The following AKAP12 variants were observed in gnomAD, a reference collection of about 807,000 sequenced individuals.
The protein encoded by AKAP12 is A-kinase anchoring protein 12.
Under a neutral mutation model 79.9 loss-of-function variants are expected in AKAP12, and 32 were observed. The observed-to-expected ratio is 0.40, with a 90% confidence interval of 0.30 to 0.54. The LOEUF is 0.54. Ranked by LOEUF, AKAP12 falls within the 20% of genes least tolerant of loss-of-function variation. The probability of loss-of-function intolerance (pLI) is 0.48; values close to 1 mark genes in which losing one functional copy is unlikely to be tolerated. For synonymous variants in AKAP12, 808 were observed against 857.0 expected (o/e 0.94, Z 1.00); for missense variants, 2,074 against 2,177.0 (o/e 0.95, Z 0.94).
intron 3 of AKAP12, chr6:151,323,684 C>T: frequency 1.0e-6 from 1 of 984,262 alleles, no homozygotes; most frequent in Non-Finnish European, 1.2e-6. Flanking sequence ...AAATGTGTAA[C>T]TAGTGACATT....
chr6:151,336,955 C>T (rs1210740072), intron 3 of AKAP12, among the ~76,000 whole-genome samples: 3 of 152,120 alleles, frequency 2.0e-5, no homozygotes, highest in Middle Eastern at 3.2e-3. Flanking sequence ...AGTCTGTCCC[C>T]AGAACTTCTG....
intron 2 of AKAP12, among the ~76,000 whole-genome samples, chr6:151,257,929 T>C (rs1797332942): frequency 6.6e-6 from 1 of 152,252 alleles, no homozygotes; most frequent in Non-Finnish European, 1.5e-5. Context: ...TGGATTTCAT[T>C]GTTCAAATAA....
intron 3 of AKAP12, among the ~76,000 whole-genome samples, chr6:151,332,777 G>A (rs1777708699): frequency 1.3e-5 from 2 of 152,136 alleles, no homozygotes; most frequent in South Asian, 4.1e-4. Flanking sequence ...AGGCTTCTAC[G>A]GGGGACACAC....
intron 2 of AKAP12, among the ~76,000 whole-genome samples, chr6:151,289,546 T>C (rs1015672520): frequency 1.3e-5 from 2 of 152,202 alleles, no homozygotes; most frequent in Non-Finnish European, 2.9e-5. Context: ...TCGTACATAG[T>C]CACTTCTTAA....
chr6:151,323,821 G>A (rs1032672927), intron 3 of AKAP12: 4 of 985,308 alleles, frequency 4.1e-6, no homozygotes, highest in Admixed American at 6.2e-5. Flanking sequence ...GGGCAGACTC[G>A]ATTTCAGAAG....
Position 151,350,631 on chromosome 6 carries a change from C to G in AKAP12, c.2240C>G (p.Ala747Gly). The change falls in exon 4 of 5, where the codon GCT becomes GGT. Residue 747 changes from alanine to glycine, a missense_variant. Ala to Gly is a moderately conservative substitution (Grantham distance 60). Coordinates refer to ENST00000402676, the MANE Select transcript of AKAP12 (RefSeq NM_005100.4). This position sits in a 1 kb window ranked among gnomAD's most constrained non-coding sequence, Gnocchi z 4.8. ...PGQGSSSPEQ[A>G]GSPTEGEGVS... is the part of the protein sequence containing the mutation. The stretch of plus-strand genomic sequence containing the variant: ...CAGGGAAGTTCCTCCCCGGAGCAAG[C>G]TGGAAGCCCTACCGAAGGGGAGGGC... 6.2e-7 allele frequency: 1 copy of G among 1,614,088 alleles called. No individual in the cohort carries two copies. The highest frequency in any genetic ancestry group is 8.5e-7 in the Non-Finnish European group (1 of 1,180,032).
At chr6:151,276,219 A>T (rs1225760690) in intron 2 of AKAP12, among the ~76,000 whole-genome samples, 1 of 143,108 alleles carries the variant, frequency 7.0e-6, no homozygotes, top group Non-Finnish European at 1.5e-5. Context: ...AACACCCTTT[A>T]AAAAAAAATC....
intron 3 of AKAP12, among the ~76,000 whole-genome samples, chr6:151,340,555 G>A (rs926895092): frequency 6.6e-6 from 1 of 152,224 alleles, no homozygotes; most frequent in African/African-American, 2.4e-5. Context: ...GGAGGGAGCA[G>A]GTGAGCTCCA....
chr6:151,343,762 T>C (rs1362443755), intron 3 of AKAP12, among the ~76,000 whole-genome samples: 2 of 151,830 alleles, frequency 1.3e-5, no homozygotes, highest in African/African-American at 4.8e-5. Flanking sequence ...CCAGCGTGGG[T>C]GACAGAGCGA....
chr6:151,270,645 A>G (rs1189367102), intron 2 of AKAP12, among the ~76,000 whole-genome samples: 1 of 152,190 alleles, frequency 6.6e-6, no homozygotes, highest in Non-Finnish European at 1.5e-5. Flanking sequence ...AATTCTAACC[A>G]GCAGTGTTTG....
At chr6:151,329,434 C>G (rs1011937551) in intron 3 of AKAP12, among the ~76,000 whole-genome samples, 1 of 152,208 alleles carries the variant, frequency 6.6e-6, no homozygotes, top group African/African-American at 2.4e-5. Flanking sequence ...AAGCAAGTAT[C>G]TTTTCGCTTT....
intron 2 of AKAP12, among the ~76,000 whole-genome samples, chr6:151,304,483 C>T (rs1243532369): frequency 3.0e-5 from 1 of 33,028 alleles, no homozygotes; most frequent in African/African-American, 8.6e-5. Flanking sequence ...AGTGACACTC[C>T]ATCTCAAAAA....
chr6:151,356,395 T>C lies in AKAP12; in HGVS notation c.*681T>C, dbSNP rs972717923. 1.4e-4 allele frequency: 21 copies of C among 152,388 alleles called. No individual in the cohort carries two copies. Among genetic ancestry groups the C allele is most frequent in the African/African-American group, 3.1e-4 (13 of 41,468 alleles). The allele number at this position is 152,388 out of a possible 1,614,324, so 9.4% of individuals were successfully genotyped here. A position where few individuals can be genotyped will look rare whatever the true frequency, so the allele number is the denominator to read the frequency against. ...AAACATACAGAATGTTCTATTGTCA[T>C]TGGGAAATTTTTCTTTCTAACCCAG... On this transcript the variant is annotated 3_prime_UTR_variant, in exon 5 of 5. Coordinates refer to ENST00000402676, the MANE Select transcript of AKAP12 (RefSeq NM_005100.4).
At chr6:151,287,656 C>T (rs890272575) in intron 2 of AKAP12, among the ~76,000 whole-genome samples, 17 of 152,146 alleles carry the variant, frequency 1.1e-4, no homozygotes, top group African/African-American at 2.4e-4. Flanking sequence ...GACAGTGTGG[C>T]GATTCCTCAA....
At chr6:151,348,489 C>G in intron 3 of AKAP12, 1 of 605,688 alleles carries the variant, frequency 1.7e-6, no homozygotes. Flanking sequence ...AAATAAAAAA[C>G]TTAGCTGGAC....
chr6:151,341,735 G>T (rs1777955099), intron 3 of AKAP12: 1 of 1,276,406 alleles, frequency 7.8e-7, no homozygotes, highest in Non-Finnish European at 1.0e-6. Context: ...AGCGATGGCG[G>T]ACACGGAATC....
chr6:151,317,664 A>G (rs901730550), intron 3 of AKAP12, among the ~76,000 whole-genome samples: 1 of 152,254 alleles, frequency 6.6e-6, no homozygotes, highest in Non-Finnish European at 1.5e-5. Flanking sequence ...TGAGTCATTG[A>G]TACTGAAGTA....
In AKAP12 at chr6:151,316,025, A is replaced by G. The variant is rs577185855; in HGVS notation, c.319+10122A>G. 1.6e-3 allele frequency among the ~76,000 whole-genome samples: 248 copies of G among 152,354 alleles called. 1 individual carries two copies. Among genetic ancestry groups the G allele is most frequent in the Non-Finnish European group, 3.1e-3 (209 of 68,040 alleles). On this transcript the variant is annotated intron_variant, in intron 3 of 4. Coordinates refer to ENST00000402676, the MANE Select transcript of AKAP12 (RefSeq NM_005100.4). ...ATTAAACATGGGGATTATGGGAACTACAAGTCAAGATGAGATTTGGGTGGG... is the reference window on the plus strand; with the variant it reads ...ATTAAACATGGGGATTATGGGAACTGCAAGTCAAGATGAGATTTGGGTGGG...
chr6:151,310,632 G>A (rs531097772), intron 3 of AKAP12, among the ~76,000 whole-genome samples: 1 of 152,226 alleles, frequency 6.6e-6, no homozygotes, highest in African/African-American at 2.4e-5. Context: ...CTTAGTATCT[G>A]TTAGGCAGAT....
Sources: allele counts gnomAD v4.1 joint callset (sites outside exome capture counted in the v4.1 genomes callset), GRCh38; gene constraint gnomAD v4.1.1; non-coding constraint Gnocchi (gnomAD v3.1); transcripts MANE v1.5; gene names NCBI Gene and HGNC (gene_info 2026-07-23, HGNC 2026-07-21).